PCNX3: variants seen among roughly 807,000 people sequenced by gnomAD.
The protein encoded by PCNX3 is pecanex 3.
A neutral mutation model predicts 207.2 loss-of-function variants in PCNX3; 58 were observed. The ratio of observed to expected loss-of-function variants is 0.28; its 90% CI spans 0.23 to 0.35. The LOEUF is 0.35. PCNX3 is among the 10% of genes least tolerant of loss of function. The pLI, the probability that PCNX3 is intolerant of heterozygous loss-of-function variation, is 1.00. For missense variants in PCNX3, 2,410 were observed against 2,774.4 expected, an observed-to-expected ratio of 0.87 and a Z score of 2.95; for synonymous variants, 1,337 against 1,183.5, an observed-to-expected ratio of 1.13 and a Z score of -2.66.
rs1855314441 is a variant in PCNX3, at chr11:65,625,122, G to A, written c.2920-49G>A. 3 of 1,560,136 alleles carry A rather than the reference G, an allele frequency of 1.9e-6. No individual in the cohort carries two copies. The highest frequency in any genetic ancestry group is 1.8e-5 in the Admixed American group (1 of 57,076). ...GGCTTCTCACACGGGGGCAGCCCGG[G>A]CCCCATGCTTACCTCACCTCCCCTG... On this transcript the variant is annotated intron_variant, in intron 16 of 34. Transcript: ENST00000355703. The surrounding 1 kb of genome is among the most constrained non-coding windows in gnomAD (Gnocchi z 5.6).
intron 21 of PCNX3, 51 bp from the exon 22 acceptor site, chr11:65,627,354 C>T (rs531478193): frequency 1.9e-6 from 3 of 1,571,764 alleles, no homozygotes; most frequent in Admixed American, 3.4e-5. Flanking sequence ...ACACCTATAC[C>T]CACTGCCCCG....
At chr11:65,627,613 G>A (rs1228974067) in intron 22 of PCNX3, 31 bp downstream of exon 22, 19 of 1,609,108 alleles carry the variant, frequency 1.2e-5, no homozygotes, top group Non-Finnish European at 1.5e-5. Flanking sequence ...CAGACCCCAG[G>A]CTGTCCAATG....
intron 12 of PCNX3, 132 bp downstream of exon 12, chr11:65,623,776 T>C (rs1441019371): frequency 6.6e-7 from 1 of 1,520,446 alleles, no homozygotes; most frequent in Non-Finnish European, 9.0e-7. Flanking sequence ...GCTGGCCAGC[T>C]CTTTTACAAG....
chr11:65,616,583 G>C (rs1385929448), intron 1 of PCNX3, 119 bp downstream of exon 1: 2 of 1,288,666 alleles, frequency 1.6e-6, no homozygotes, highest in Non-Finnish European at 2.1e-6. Flanking sequence ...CAGAGTTTGG[G>C]TCTGTGTGGA....
intron 27 of PCNX3, among the ~76,000 whole-genome samples, chr11:65,633,312 C>T (rs1208377538): frequency 2.0e-5 from 3 of 152,244 alleles, no homozygotes; most frequent in Non-Finnish European, 2.9e-5. Context: ...ACAAGAGGTC[C>T]AGGAGCCCCC....
In PCNX3 at chr11:65,618,182, A is replaced by C; in HGVS notation, c.820A>C (p.Arg274=). 6.2e-7 allele frequency: 1 copy of C among 1,603,582 alleles called. No individual in the cohort carries two copies. ...GACCAGCAGTCGACGGGAACAACGCAGGGGGGCAGGTGGCTATCAGCCCCT... is the reference window on the plus strand; with the variant it reads ...GACCAGCAGTCGACGGGAACAACGCCGGGGGGCAGGTGGCTATCAGCCCCT... ...VRTSSRREQR[R]GAGGYQPLDR... Residue 274 remains arginine, a synonymous_variant, in exon 6 of 35, where the codon AGG becomes CGG. Transcript: ENST00000355703.
chr11:65,629,481 T>C (rs1311569975), intron 25 of PCNX3, 39 bp from the exon 26 acceptor site: 30 of 1,611,998 alleles, frequency 1.9e-5, no homozygotes, highest in Non-Finnish European at 2.4e-5. Context: ...CTCGCTAACT[T>C]GTCACTTTGT....
intron 32 of PCNX3, 90 bp from the exon 33 acceptor site, chr11:65,636,084 G>T: frequency 6.6e-7 from 1 of 1,513,742 alleles, no homozygotes; most frequent in Non-Finnish European, 9.0e-7. Context: ...GGTGTTAGAT[G>T]ACTTGTCCTG....
At chr11:65,629,024 C>G in intron 24 of PCNX3, 76 bp downstream of exon 24, 1 of 1,565,604 alleles carries the variant, frequency 6.4e-7, no homozygotes, top group Admixed American at 1.8e-5. Flanking sequence ...TGGAGGCCAC[C>G]CACAGAGGGG....
At chr11:65,622,630 C>G (rs950692459) in intron 11 of PCNX3, among the ~76,000 whole-genome samples, 1 of 152,232 alleles carries the variant, frequency 6.6e-6, no homozygotes, top group Non-Finnish European at 1.5e-5. Context: ...GAGTCTCTCT[C>G]TGTCGTCCAG....
Position 65,624,315 on chromosome 11 carries a change from C to T in PCNX3, c.2665C>T (p.Leu889Phe). The change falls in exon 14 of 35, where the codon CTC (leucine) becomes TTC (phenylalanine). Residue 889 changes from leucine to phenylalanine, a missense_variant. Leu to Phe is a conservative substitution (Grantham distance 22). Around this residue, in one of 8 missense-constraint regions of PCNX3, gnomAD observed 177 missense variants for 257.5 expected, o/e 0.69. Coordinates refer to ENST00000355703, the MANE Select transcript of PCNX3 (RefSeq NM_032223.4). Reference protein sequence around the residue: ...QPFPPVSLYGLTLFSASFFFC... With the variant: ...QPFPPVSLYGFTLFSASFFFC... ...CTTCCCACCTGTCTCCCTCTACGGCCTCACGCTCTTCTCTGCCTCCTTCTT... is the reference window on the plus strand; with the variant it reads ...CTTCCCACCTGTCTCCCTCTACGGCTTCACGCTCTTCTCTGCCTCCTTCTT... The T allele has an allele frequency of 6.4e-7, 1 of 1,569,480 alleles. No homozygotes were observed. The highest frequency in any genetic ancestry group is 8.6e-7 in the Non-Finnish European group (1 of 1,156,784).
Position 65,618,111 on chromosome 11 carries a change from G to T in PCNX3, c.749G>T (p.Ser250Ile). Residue 250 changes from serine (S) to isoleucine (I), a missense_variant, in exon 6 of 35, where the codon AGC (serine) becomes ATC (isoleucine). Transcript: ENST00000355703. ...AAGGGGAGCCTCAGCCAGGAGCTGA[G>T]CAAGAGCTTCCTGACCCTGACCCAG... ...LLKGSLSQEL[S>I]KSFLTLTQPD... 1.2e-6 allele frequency: 2 copies of T among 1,611,170 alleles called. No individual in the cohort carries two copies. Among genetic ancestry groups the T allele is most frequent in the Non-Finnish European group, 1.7e-6 (2 of 1,179,102 alleles).
chr11:65,616,332 G>A lies in PCNX3; in HGVS notation c.21G>A (p.Gln7=), dbSNP rs763549876. The change falls in exon 1 of 35, where the codon CAG becomes CAA. Residue 7 remains glutamine, a synonymous_variant. Transcript: ENST00000355703. ...GGGCCATGGGGTCGCAGGTGTTGCA[G>A]ATCCTGCGCCAGGGGGTGTGGGCCT... MGSQVL[Q]ILRQGVWASL... is the part of the protein sequence containing the mutation. 8 of 1,600,166 alleles carry A rather than the reference G, an allele frequency of 5.0e-6. No homozygotes were observed. In the East Asian group the frequency reaches 1.8e-4, roughly 36 times the overall value.
rs1224087346 is a variant in PCNX3, at chr11:65,625,277, T to C, written c.3026T>C (p.Leu1009Pro). Reference sequence around the variant, plus strand: ...CGGCAGAGCAGCGACCCCACCGTGCTCTGGTGGGTGTGCTCCGGGTCGTGT... The same window carrying C: ...CGGCAGAGCAGCGACCCCACCGTGCCCTGGTGGGTGTGCTCCGGGTCGTGT... ...LSRQSSDPTV[L>P]WSLIRSKLFP... is the part of the protein sequence containing the mutation. Residue 1009 changes from leucine to proline, a missense_variant, in exon 17 of 35, where the codon CTC (leucine) becomes CCC (proline). By Grantham distance (98) the Leu-to-Pro change is moderately conservative. Around this residue, in one of 8 missense-constraint regions of PCNX3, gnomAD observed 333 missense variants for 386.8 expected, o/e 0.86. Coordinates refer to ENST00000355703, the MANE Select transcript of PCNX3 (RefSeq NM_032223.4). This position sits in a 1 kb window ranked among gnomAD's most constrained non-coding sequence, Gnocchi z 5.6. The C allele has an allele frequency of 7.5e-6, 12 of 1,606,780 alleles. No homozygotes were observed. The highest frequency in any genetic ancestry group is 1.0e-5 in the Non-Finnish European group (12 of 1,176,856).
rs900617842 is a variant in PCNX3 at position 65,617,999 on chromosome 11, G to A, written c.637G>A (p.Asp213Asn). 5.0e-6 allele frequency: 8 copies of A among 1,611,246 alleles called. No individual in the cohort carries two copies. Among genetic ancestry groups the A allele is most frequent in the Non-Finnish European group, 6.8e-6 (8 of 1,179,216 alleles). Residue 213 changes from aspartate (D) to asparagine (N), a missense_variant, in exon 6 of 35, where the codon GAC (aspartate) becomes AAC (asparagine). Physicochemically the swap from Asp to Asn is conservative, Grantham distance 23. Coordinates refer to ENST00000355703, the MANE Select transcript of PCNX3 (RefSeq NM_032223.4). ...AVPDPSLAST[D>N]SSEPSPLAGD... ...CCCAGACCCCTCTCTTGCCAGTACA[G>A]ACTCTTCAGAGCCTTCTCCCCTGGC...
In PCNX3 at chr11:65,625,250, G is replaced by T; in HGVS notation, c.2999G>T (p.Ser1000Ile). 1 of 1,610,810 alleles carries T rather than the reference G, an allele frequency of 6.2e-7. No individual in the cohort carries two copies. Residue 1000 changes from serine to isoleucine, a missense_variant, in exon 17 of 35, where the codon AGC becomes ATC. Ser to Ile is a moderately radical substitution (Grantham distance 142, BLOSUM62 -2). Transcript: ENST00000355703. This position sits in a 1 kb window ranked among gnomAD's most constrained non-coding sequence, Gnocchi z 5.6. ...GLLVALSYHLSRQSSDPTVLW... is the reference protein window; with the variant it reads ...GLLVALSYHLIRQSSDPTVLW... ...CTGGTGGCACTGTCCTACCACCTGAGCCGGCAGAGCAGCGACCCCACCGTG... is the reference window on the plus strand; with the variant it reads ...CTGGTGGCACTGTCCTACCACCTGATCCGGCAGAGCAGCGACCCCACCGTG...
rs1171598022 is a variant in PCNX3, at chr11:65,637,383, T to C, written c.*405T>C. On this transcript the variant is annotated 3_prime_UTR_variant, in exon 35 of 35. Transcript: ENST00000355703. ...CTTTCCTTTTTTTTCTTTTCTTTTT[T>C]TTTTTTTTTTTTGTGCTTCGGAGAC... 7 of 177,854 alleles carry C rather than the reference T, an allele frequency of 3.9e-5. No homozygotes were observed. Among genetic ancestry groups the C allele is most frequent in the South Asian group, 2.8e-4 (2 of 7,154 alleles). The allele number at this position is 177,854 out of a possible 1,614,324, so 11.0% of individuals were successfully genotyped here. A position where few individuals can be genotyped will look rare whatever the true frequency, so the allele number is the denominator to read the frequency against.
intron 27 of PCNX3, among the ~76,000 whole-genome samples, chr11:65,633,404 C>G (rs1223406895): frequency 6.6e-6 from 1 of 152,234 alleles, no homozygotes; most frequent in African/African-American, 2.4e-5. Context: ...CTAAAGGGAC[C>G]TGTGACCCAG....
intron 23 of PCNX3, 44 bp from the exon 24 acceptor site, chr11:65,628,775 G>GGGGGGTGGGGGGGGGGGGGGGGGGC: frequency 6.7e-7 from 1 of 1,500,488 alleles, no homozygotes; most frequent in Admixed American, 1.7e-5. Context: ...GTGGTGGGGG[G>GGGGGGTGGGGGGGGGGGGGGGGGGC]CTGGGAGGTC....
Sources: allele counts gnomAD v4.1 joint callset (sites outside exome capture counted in the v4.1 genomes callset), GRCh38; gene constraint gnomAD v4.1.1; regional missense constraint gnomAD v4.1.1; non-coding constraint Gnocchi (gnomAD v3.1); transcripts MANE v1.5; gene names NCBI Gene and HGNC (gene_info 2026-07-23, HGNC 2026-07-21).